The following BBS9 variants were observed in gnomAD, a reference collection of about 807,000 sequenced individuals.
BBS9 encodes the protein protein PTHB1.
A neutral mutation model predicts 117.7 loss-of-function variants in BBS9; 89 were observed. The observed-to-expected ratio is 0.76, with a 90% CI of 0.64 to 0.90. BBS9 has a LOEUF of 0.90. Among genes scored for constraint, BBS9 ranks in the 40% least tolerant of loss-of-function variants. BBS9 has a pLI of 0.00. For missense variants in BBS9, 982 were observed against 1,042.2 expected (o/e 0.94, Z 0.80); for synonymous variants, 379 against 370.9 (o/e 1.02, Z -0.25).
chr7:33,582,887 T>A (rs1860224113), intron 21 of BBS9, among the ~76,000 whole-genome samples: 1 of 152,102 alleles, frequency 6.6e-6, no homozygotes. Context: ...TTGTGGGAGC[T>A]CCATACCACA....
At chr7:33,227,086 G>T (rs1191027440) in intron 5 of BBS9, among the ~76,000 whole-genome samples, 1 of 151,836 alleles carries the variant, frequency 6.6e-6, no homozygotes, top group Non-Finnish European at 1.5e-5. Flanking sequence ...AAAAAAGAGT[G>T]AATGAGTAAA....
chr7:33,249,284 T>G (rs2128297823), intron 5 of BBS9, among the ~76,000 whole-genome samples: 1 of 152,006 alleles, frequency 6.6e-6, no homozygotes, highest in Admixed American at 6.6e-5. Flanking sequence ...GAATAGATTG[T>G]AATTTTCATG....
At chr7:33,223,187 A>C (rs907517743) in intron 5 of BBS9, among the ~76,000 whole-genome samples, 3 of 151,972 alleles carry the variant, frequency 2.0e-5, no homozygotes, top group African/African-American at 7.2e-5. Flanking sequence ...TGACAAATAA[A>C]ACTTTTATAT....
chr7:33,430,727 T>C (rs924757405), intron 19 of BBS9, among the ~76,000 whole-genome samples: 1 of 152,212 alleles, frequency 6.6e-6, no homozygotes, highest in Non-Finnish European at 1.5e-5. Context: ...CAGTGGCCAA[T>C]GGACAGTGGA....
intron 21 of BBS9, among the ~76,000 whole-genome samples, chr7:33,557,221 A>G (rs999976386): frequency 1.3e-5 from 2 of 152,170 alleles, no homozygotes; most frequent in African/African-American, 2.4e-5. Context: ...AATTATCCCA[A>G]GGTGCTTAAT....
chr7:33,403,431 C>T (rs1306733709), intron 19 of BBS9, among the ~76,000 whole-genome samples: 1 of 150,530 alleles, frequency 6.6e-6, no homozygotes, highest in Non-Finnish European at 1.5e-5. Flanking sequence ...CGTCATTTAG[C>T]ATTAGTTATG....
At chr7:33,240,039 C>A (rs1794214754) in intron 5 of BBS9, among the ~76,000 whole-genome samples, 1 of 152,076 alleles carries the variant, frequency 6.6e-6, no homozygotes, top group Non-Finnish European at 1.5e-5. Context: ...TACAGTAGGG[C>A]TCCAGTTTTC....
chr7:33,401,076 A>G (rs2128790673), intron 19 of BBS9, among the ~76,000 whole-genome samples: 1 of 152,282 alleles, frequency 6.6e-6, no homozygotes, highest in South Asian at 2.1e-4. Context: ...CTCTTATAGC[A>G]GGATATTAAA....
At chr7:33,148,903 C>T (rs924029409) in intron 2 of BBS9, among the ~76,000 whole-genome samples, 5 of 152,250 alleles carry the variant, frequency 3.3e-5, no homozygotes, top group East Asian at 3.9e-4. Flanking sequence ...GGATTATTGG[C>T]GTGAGCCACT....
At chr7:33,295,038 G>T (rs371822925) in intron 9 of BBS9, among the ~76,000 whole-genome samples, 1 of 152,072 alleles carries the variant, frequency 6.6e-6, no homozygotes, top group East Asian at 1.9e-4. Flanking sequence ...TCTTCAGTTA[G>T]TACCCATTCA....
intron 21 of BBS9, among the ~76,000 whole-genome samples, chr7:33,569,722 A>G (rs1164753706): frequency 6.6e-6 from 1 of 152,190 alleles, no homozygotes; most frequent in Non-Finnish European, 1.5e-5. Context: ...AGATCGCGCC[A>G]CTGCACTCCA....
At chr7:33,522,722 C>A (rs1288133151) in intron 20 of BBS9, among the ~76,000 whole-genome samples, 5 of 150,166 alleles carry the variant, frequency 3.3e-5, no homozygotes, top group Admixed American at 1.3e-4. Flanking sequence ...ATGGTAGTTT[C>A]TTTTGCTGTG....
chr7:33,551,768 G>A (rs2129092682), intron 21 of BBS9, among the ~76,000 whole-genome samples: 1 of 152,188 alleles, frequency 6.6e-6, no homozygotes, highest in Admixed American at 6.5e-5. Context: ...ATCAAGACAA[G>A]GAGAAAGAAT....
intron 1 of BBS9, among the ~76,000 whole-genome samples, chr7:33,135,058 A>AATTTTT (rs1349690538): frequency 6.6e-6 from 1 of 152,224 alleles, no homozygotes; most frequent in East Asian, 1.9e-4. Context: ...GCACCTGGCT[A>AATTTTT]ATTTTTATAT....
chr7:33,442,647 T>C (rs1836382203), intron 19 of BBS9, among the ~76,000 whole-genome samples: 1 of 152,190 alleles, frequency 6.6e-6, no homozygotes. Flanking sequence ...AAAGAAAAGC[T>C]AATTAGCACC....
chr7:33,502,342 T>C (rs1174223725), intron 19 of BBS9, among the ~76,000 whole-genome samples: 5 of 152,188 alleles, frequency 3.3e-5, no homozygotes, highest in Non-Finnish European at 7.4e-5. Flanking sequence ...TAGTAAATAC[T>C]TCCACCATGG....
chr7:33,157,487 C>T (rs1490684427), intron 4 of BBS9, among the ~76,000 whole-genome samples: 1 of 152,084 alleles, frequency 6.6e-6, no homozygotes, highest in Non-Finnish European at 1.5e-5. Flanking sequence ...TTTCTTCAGC[C>T]TCTTGTGATG....
intron 19 of BBS9, among the ~76,000 whole-genome samples, chr7:33,474,741 T>C (rs1050222343): frequency 1.3e-5 from 2 of 152,112 alleles, no homozygotes; most frequent in African/African-American, 4.8e-5. Context: ...AGGTCAGAAG[T>C]TGAAGACCAG....
At chr7:33,201,941 A>G (rs1785942891) in intron 5 of BBS9, among the ~76,000 whole-genome samples, 1 of 152,188 alleles carries the variant, frequency 6.6e-6, no homozygotes, top group South Asian at 2.1e-4. Context: ...TTGCCAGGTC[A>G]TGATTACAGA....
Sources: gnomAD v4.1 joint callset for allele counts (sites outside exome capture counted in the v4.1 genomes callset) on GRCh38, gnomAD v4.1.1 for gene constraint, MANE v1.5 for transcripts, NCBI Gene and HGNC (gene_info 2026-07-23, HGNC 2026-07-21) for gene names.